Variants in CTSD observed in about 807,000 individuals in gnomAD.
CTSD encodes the protein ceroid-lipofuscinosis, neuronal 10.
In CTSD, 28 loss-of-function variants were observed where a neutral mutation model predicts 43.6. The ratio of observed to expected loss-of-function variants is 0.64; its 90% CI spans 0.48 to 0.88. CTSD has a LOEUF of 0.88. Ranked by LOEUF, CTSD falls within the 40% of genes least tolerant of loss-of-function variation. CTSD has a pLI of 0.00. For missense variants in CTSD, 485 were observed against 555.2 expected, an observed-to-expected ratio of 0.87 and a Z score of 1.27; for synonymous variants, 270 against 249.8, an observed-to-expected ratio of 1.08 and a Z score of -0.76.
chr11:1,754,537 ATGGAG>A lies in CTSD; in HGVS notation c.827+364_827+368del, dbSNP rs1565019488. On this transcript the variant is annotated intron_variant, in intron 6 of 8. Transcript: ENST00000236671. The stretch of plus-strand genomic sequence containing the variant: ...ATGGAGGGATGGAGGGGATGGAGGG[ATGGAG>A]GGATGGAGGGGATGGAGGGATGGAG... Among the ~76,000 whole-genome samples, 9 of 63,918 alleles carry A rather than the reference ATGGAG, an allele frequency of 1.4e-4. 1 individual carries two copies. Among genetic ancestry groups the A allele is most frequent in the African/African-American group, 3.9e-4 (7 of 17,944 alleles). 41.9% of individuals were successfully genotyped at this position (63,918 alleles called of 152,430 possible). A position where few individuals can be genotyped will look rare whatever the true frequency, so the allele number is the denominator to read the frequency against.
rs2230067 is a variant in CTSD at position 1,759,637 on chromosome 11, G to A, written c.231C>T (p.Ala77=). Residue 77 remains alanine, a splice_region_variant and synonymous_variant, in exon 3 of 9, where the codon GCC becomes GCT. Transcript: ENST00000236671. ...CGATGCCAATCTCCCCGTAGTACTG[G>A]GCCTGGCAGGGGACAGGGTCCGTCA... ...IPEVLKNYMD[A]QYYGEIGIGT... The A allele has an allele frequency of 0.078, 125,861 of 1,612,446 alleles. 5,312 individuals carry two copies. The highest frequency in any genetic ancestry group is 0.12 in the Middle Eastern group (754 of 6,038).
In CTSD at chr11:1,763,779, C is replaced by T; in HGVS notation, c.68+13G>A. 1 of 1,523,670 alleles carries T rather than the reference C, an allele frequency of 6.6e-7. No homozygotes were observed. The highest frequency in any genetic ancestry group is 8.8e-7 in the Non-Finnish European group (1 of 1,142,240). 94.4% of individuals were successfully genotyped at this position (1,523,670 alleles called of 1,614,324 possible). ...CCCTGCCCGTCCCTGAGCCCCGGCC[C>T]CTGAGGCTTCACCTGACGAGCGCGG... On this transcript the variant is annotated intron_variant, in intron 1 of 8. Transcript: ENST00000236671.
At chr11:1,753,945 G>T (rs761701186) in intron 7 of CTSD, 44 bp from the exon 8 acceptor site, 2 of 1,611,764 alleles carry the variant, frequency 1.2e-6, no homozygotes, top group Non-Finnish European at 1.7e-6. Context: ...TGGTGGCCTT[G>T]GGGCTCCCCC....
At chr11:1,762,016 A>G (rs1341684840) in intron 1 of CTSD, 1 of 192,048 alleles carries the variant, frequency 5.2e-6, no homozygotes, top group Non-Finnish European at 1.1e-5. Context: ...TCCTCTGGCC[A>G]TCAGATGGGC....
intron 4 of CTSD, 95 bp downstream of exon 4, chr11:1,758,874 A>G (rs1845840491): frequency 2.1e-6 from 2 of 934,580 alleles, no homozygotes. Flanking sequence ...TTGGGCTGGG[A>G]TCACCGAGCC....
At chr11:1,757,869 G>A (rs1845829040) in intron 4 of CTSD, 1 of 446,986 alleles carries the variant, frequency 2.2e-6, no homozygotes. Flanking sequence ...CCAATGACAG[G>A]CAGGTCCTGC....
intron 2 of CTSD, among the ~76,000 whole-genome samples, chr11:1,759,927 G>T (rs1000638456): frequency 3.9e-5 from 6 of 152,208 alleles, no homozygotes; most frequent in Admixed American, 3.3e-4. Context: ...CTTCCCCACG[G>T]AAAAGACAAG....
chr11:1,757,645 G>C, intron 4 of CTSD, 89 bp from the exon 5 acceptor site: 1 of 1,083,232 alleles, frequency 9.2e-7, no homozygotes, highest in South Asian at 1.3e-5. Flanking sequence ...CAGTTCAATG[G>C]ATGCCCATCC....
In CTSD at chr11:1,757,357, A is replaced by T. The variant is rs887185230; in HGVS notation, c.671T>A (p.Val224Glu). ...VFDNLMQQKLVDQNIFSFYLS... is the reference protein window; with the variant it reads ...VFDNLMQQKLEDQNIFSFYLS... The stretch of plus-strand genomic sequence containing the variant: ...GTAGAAGGAGAAGATGTTCTGGTCC[A>T]CCAGCTTCTGCTGCATCAGGTTGTC... The change falls in exon 5 of 9, where the codon GTG becomes GAG. Residue 224 changes from valine to glutamate, a missense_variant. Val to Glu is a moderately radical substitution (Grantham distance 121). Coordinates refer to ENST00000236671, the MANE Select transcript of CTSD (RefSeq NM_001909.5). 4 of 1,613,958 alleles carry T rather than the reference A, an allele frequency of 2.5e-6. No individual in the cohort carries two copies. In the African/African-American group the frequency reaches 4.0e-5, roughly 16 times the overall value.
At position 1,755,009 on chromosome 11, in the gene CTSD, C is replaced by G; in HGVS notation, c.724G>C (p.Gly242Arg). ...GTGCCACCCAGCATCAGCTCACCCC[C>G]AGGCTGCGCATCTGGGTCCCTAGGA... ...YLSRDPDAQP[G>R]GELMLGGTDS... The change falls in exon 6 of 9, where the codon GGG (glycine) becomes CGG (arginine). Residue 242 changes from glycine (G) to arginine (R), a missense_variant. Transcript: ENST00000236671. The G allele has an allele frequency of 6.2e-7, 1 of 1,613,910 alleles. No homozygotes were observed. Among genetic ancestry groups the G allele is most frequent in the Non-Finnish European group, 8.5e-7 (1 of 1,179,902 alleles).
Position 1,759,423 on chromosome 11 carries a change from G to A in CTSD, c.352+93C>T, listed in dbSNP as rs893642714. 10 of 1,567,032 alleles carry A rather than the reference G, an allele frequency of 6.4e-6. No individual in the cohort carries two copies. In the Admixed American group the frequency reaches 8.4e-5, roughly 13 times the overall value. The stretch of plus-strand genomic sequence containing the variant: ...TGGCTCACGGGGCCAAGAGGCAGGA[G>A]AATTGCGTTGCCCAAGTGATTCCTG... On this transcript the variant is annotated intron_variant, in intron 3 of 8. Coordinates refer to ENST00000236671, the MANE Select transcript of CTSD (RefSeq NM_001909.5).
intron 1 of CTSD, 141 bp from the exon 2 acceptor site, chr11:1,761,609 A>G: frequency 1.1e-6 from 1 of 913,192 alleles, no homozygotes; most frequent in Non-Finnish European, 1.7e-6. Context: ...TGTCACCTGG[A>G]AACTGCTGGC....
intron 3 of CTSD, 37 bp downstream of exon 3, chr11:1,759,479 C>T (rs768019849): frequency 1.2e-6 from 2 of 1,611,810 alleles, no homozygotes; most frequent in South Asian, 1.1e-5. Context: ...CCCGGAAGGG[C>T]AGGACCTGGG....
chr11:1,757,895 T>G, intron 4 of CTSD: 1 of 403,004 alleles, frequency 2.5e-6, no homozygotes, highest in African/African-American at 2.0e-5. Context: ...CCCTCAGCGC[T>G]GGGAACAAGA....
chr11:1,757,624 G>T (rs934263804), intron 4 of CTSD, 68 bp from the exon 5 acceptor site: 18 of 1,321,838 alleles, frequency 1.4e-5, no homozygotes, highest in Non-Finnish European at 1.7e-5. Flanking sequence ...TGAGCATGAG[G>T]CTACAAAACC....
intron 1 of CTSD, 24 bp downstream of exon 1, chr11:1,763,768 G>C (rs1160798205): frequency 1.3e-6 from 2 of 1,521,240 alleles, no homozygotes; most frequent in East Asian, 5.1e-5. Context: ...GCCCGTCCCT[G>C]AGCCCCGGCC....
rs981944847 is a variant in CTSD at position 1,759,717 on chromosome 11, C to G, written c.229-78G>C. On this transcript the variant is annotated intron_variant, in intron 2 of 8. Transcript: ENST00000236671. ...CTGGGCCTCAGAAGGCCCGGCTGTCCCCAGAGCCAAGGCCCATACTGGAGG... is the reference window on the plus strand; with the variant it reads ...CTGGGCCTCAGAAGGCCCGGCTGTCGCCAGAGCCAAGGCCCATACTGGAGG... 3.3e-6 allele frequency: 5 copies of G among 1,493,570 alleles called. No individual in the cohort carries two copies. The African/African-American group carries it at 5.6e-5, about 17-fold the overall frequency. 92.5% of individuals were successfully genotyped at this position (1,493,570 alleles called of 1,614,324 possible). A position where few individuals can be genotyped will look rare whatever the true frequency, so the allele number is the denominator to read the frequency against.
At chr11:1,761,048 G>C in intron 2 of CTSD, 1 of 518,050 alleles carries the variant, frequency 1.9e-6, no homozygotes, top group East Asian at 3.6e-5. Flanking sequence ...CCCCTCAGGC[G>C]AGCTGGCACC....
At position 1,753,523 on chromosome 11, in the gene CTSD, C is replaced by A. The variant is rs764611893; in HGVS notation, c.1219G>T (p.Ala407Ser). Residue 407 changes from alanine to serine, a missense_variant, in exon 9 of 9, where the codon GCC (alanine) becomes TCC (serine). Coordinates refer to ENST00000236671, the MANE Select transcript of CTSD (RefSeq NM_001909.5). ...GGGAACTAGAGGCGGGCAGCCTCGG[C>A]GAAGCCCACCCTGTTGTTGTCACGG... ...FDRDNNRVGF[A>S]EAARL 1 of 1,612,960 alleles carries A rather than the reference C, an allele frequency of 6.2e-7. No individual in the cohort carries two copies. The highest frequency in any genetic ancestry group is 8.5e-7 in the Non-Finnish European group (1 of 1,179,896).
Sources: gnomAD v4.1 joint callset for allele counts (sites outside exome capture counted in the v4.1 genomes callset) on GRCh38, gnomAD v4.1.1 for gene constraint, MANE v1.5 for transcripts, NCBI Gene and HGNC (gene_info 2026-07-23, HGNC 2026-07-21) for gene names.